Variants in NEB observed in about 807,000 individuals in gnomAD.
NEB encodes the protein nemaline myopathy type 2.
NEB carries 512 observed loss-of-function variants against 952.2 expected under a neutral mutation model. That is an observed-to-expected ratio of 0.54 (90% CI 0.50 to 0.58). The LOEUF is 0.58. NEB is among the 20% of genes least tolerant of loss of function. The pLI is 0.00. For synonymous variants in NEB, 2,900 were observed against 3,149.8 expected (o/e 0.92, Z 2.66); for missense variants, 8,428 against 9,231.1 (o/e 0.91, Z 3.56).
At chr2:151,634,501 G>T (rs1007550625) in intron 64 of NEB, among the ~76,000 whole-genome samples, 2 of 152,066 alleles carry the variant, frequency 1.3e-5, no homozygotes, top group Non-Finnish European at 2.9e-5. Flanking sequence ...AATAAGCCGG[G>T]CGTGGTGGCG....
intron 34 of NEB, 147 bp downstream of exon 34, chr2:151,677,418 C>T (rs1575977526): frequency 3.3e-6 from 2 of 602,120 alleles, no homozygotes; most frequent in East Asian, 3.1e-5. Context: ...CCAAACTACA[C>T]ATAACTGTAA....
Position 151,644,514 on chromosome 2 carries a change from G to A in NEB, c.7598C>T (p.Ala2533Val). 6.2e-7 allele frequency: 1 copy of A among 1,613,858 alleles called. No homozygotes were observed. The change falls in exon 56 of 182, where the codon GCC becomes GTC. Residue 2533 changes from alanine to valine, a missense_variant. Ala to Val is a moderately conservative substitution (Grantham distance 64, BLOSUM62 0). Around this residue, in one of 11 missense-constraint regions of NEB, gnomAD observed 1,772 missense variants for 1,960.3 expected, o/e 0.90. Coordinates refer to ENST00000397345, the MANE Select transcript of NEB (RefSeq NM_001164508.2). The stretch of plus-strand genomic sequence containing the variant: ...GGCTTTTGCTGCTTTGATTGGTATG[G>A]CATCAACAGGAAGATCGTAACCTTT... ...KRKGYDLPVD[A>V]IPIKAAKASR...
chr2:151,728,226 A>AT (rs1306843754), intron 4 of NEB, among the ~76,000 whole-genome samples: 3 of 152,220 alleles, frequency 2.0e-5, no homozygotes, highest in African/African-American at 4.8e-5. Context: ...GCAATAAACT[A>AT]TTTTTTTAAA....
At chr2:151,513,280 A>G (rs2075769847) in intron 160 of NEB, among the ~76,000 whole-genome samples, 1 of 152,184 alleles carries the variant, frequency 6.6e-6, no homozygotes, top group Non-Finnish European at 1.5e-5. Context: ...GAGTGGACTG[A>G]CTCAGAAATA....
At chr2:151,576,588 A>G (rs1403002470) in intron 105 of NEB, among the ~76,000 whole-genome samples, 5 of 127,502 alleles carry the variant, frequency 3.9e-5, no homozygotes, top group African/African-American at 1.5e-4. Context: ...CTGGAGTGCA[A>G]TGGCACAATC....
intron 93 of NEB, among the ~76,000 whole-genome samples, chr2:151,593,605 G>GA (rs1187503557): frequency 2.0e-5 from 2 of 98,854 alleles, no homozygotes; most frequent in African/African-American, 6.6e-5. Context: ...TGCGTAATGA[G>GA]AAAAAAATAC....
chr2:151,503,820 C>CCAAT (rs1217051986), intron 165 of NEB, among the ~76,000 whole-genome samples: 5 of 152,072 alleles, frequency 3.3e-5, no homozygotes, highest in African/African-American at 1.2e-4. Flanking sequence ...TTAAAATTTT[C>CCAAT]CAATCATAGG....
At chr2:151,666,534 T>TA in intron 40 of NEB, 133 bp from the exon 41 acceptor site, 1 of 814,860 alleles carries the variant, frequency 1.2e-6, no homozygotes. Flanking sequence ...TTTTGTATTT[T>TA]AAAATAAACA....
At chr2:151,720,444 G>A (rs1003629007) in intron 9 of NEB, among the ~76,000 whole-genome samples, 1 of 152,142 alleles carries the variant, frequency 6.6e-6, no homozygotes. Flanking sequence ...GTGCACACTT[G>A]GTCTGCAATT....
intron 160 of NEB, among the ~76,000 whole-genome samples, chr2:151,513,079 G>C (rs920471153): frequency 9.9e-5 from 15 of 152,204 alleles, no homozygotes; most frequent in African/African-American, 3.6e-4. Context: ...ATATGGGTAA[G>C]GAGGGATCAT....
chr2:151,691,348 G>A (rs996089959), intron 23 of NEB, among the ~76,000 whole-genome samples: 11 of 152,060 alleles, frequency 7.2e-5, no homozygotes, highest in Admixed American at 3.9e-4. Context: ...AACCTAAGAC[G>A]CCCATCCAGT....
At chr2:151,494,633 G>T (rs1001489593) in intron 173 of NEB, among the ~76,000 whole-genome samples, 1 of 150,552 alleles carries the variant, frequency 6.6e-6, no homozygotes, top group African/African-American at 2.4e-5. Context: ...TCAGCTGTTT[G>T]TTTTTTTTTG....
intron 119 of NEB, among the ~76,000 whole-genome samples, chr2:151,563,211 C>T (rs1463718365): frequency 6.6e-6 from 1 of 151,962 alleles, no homozygotes; most frequent in Non-Finnish European, 1.5e-5. Context: ...GATGAGGTTT[C>T]ACCATGTTGG....
At chr2:151,656,114 T>C in intron 49 of NEB, 39 bp downstream of exon 49, 1 of 1,575,264 alleles carries the variant, frequency 6.3e-7, no homozygotes, top group Non-Finnish European at 8.6e-7. Flanking sequence ...CTTCCCATGC[T>C]AGGATTCCAA....
At chr2:151,695,510 C>A in intron 18 of NEB, 68 bp downstream of exon 18, 3 of 1,082,458 alleles carry the variant, frequency 2.8e-6, no homozygotes, top group Non-Finnish European at 4.2e-6. Flanking sequence ...TGAATTGCAA[C>A]AAAGCAGTTC....
intron 10 of NEB, among the ~76,000 whole-genome samples, chr2:151,713,678 C>T (rs1577389161): frequency 6.6e-6 from 1 of 152,104 alleles, no homozygotes; most frequent in South Asian, 2.1e-4. Context: ...GCATTCAGGG[C>T]CCCACTTTCA....
intron 27 of NEB, among the ~76,000 whole-genome samples, chr2:151,686,259 C>A (rs1202557362): frequency 6.6e-6 from 1 of 152,118 alleles, no homozygotes; most frequent in Non-Finnish European, 1.5e-5. Context: ...TTTTAAAAAG[C>A]CATTCATATT....
chr2:151,496,178 A>G, intron 173 of NEB, 98 bp downstream of exon 173: 1 of 1,311,294 alleles, frequency 7.6e-7, no homozygotes, highest in Non-Finnish European at 1.1e-6. Flanking sequence ...CACAAAATTT[A>G]AGTTGTCTTT....
Position 151,614,484 on chromosome 2 carries a change from A to T in NEB, c.11393T>A (p.Ile3798Asn). 6.2e-7 allele frequency: 1 copy of T among 1,613,820 alleles called. No individual in the cohort carries two copies. The highest frequency in any genetic ancestry group is 1.1e-5 in the South Asian group (1 of 91,070). Residue 3798 changes from isoleucine to asparagine, a missense_variant, in exon 77 of 182, where the codon ATC becomes AAC. Around this residue, in one of 11 missense-constraint regions of NEB, gnomAD observed 1,772 missense variants for 1,960.3 expected, o/e 0.90. Transcript: ENST00000397345. The part of the protein sequence containing the change: ...KMMWSIHVAK[I>N]QSDREYKKEF... Reference sequence around the variant, plus strand: ...CTTCTTGTACTCCCTGTCACTCTGGATCTTGGCCACATGGATGGACCACAT... The same window carrying T: ...CTTCTTGTACTCCCTGTCACTCTGGTTCTTGGCCACATGGATGGACCACAT...
Sources: allele counts gnomAD v4.1 joint callset (sites outside exome capture counted in the v4.1 genomes callset), GRCh38; gene constraint gnomAD v4.1.1; regional missense constraint gnomAD v4.1.1; transcripts MANE v1.5; gene names NCBI Gene and HGNC (gene_info 2026-07-23, HGNC 2026-07-21).